XPNPEP3: variants seen among roughly 807,000 people sequenced by gnomAD.
The protein encoded by XPNPEP3 is xaa-Pro aminopeptidase 3.
Under a neutral mutation model 60.0 loss-of-function variants are expected in XPNPEP3, and 41 were observed. The ratio of observed to expected loss-of-function variants is 0.68; its 90% CI spans 0.53 to 0.89. The LOEUF is 0.89. Among genes scored for constraint, XPNPEP3 ranks in the 40% least tolerant of loss-of-function variants. The pLI, the probability that XPNPEP3 is intolerant of heterozygous loss-of-function variation, is 0.00. For missense variants in XPNPEP3, 598 were observed against 638.9 expected (o/e 0.94, Z 0.69); for synonymous variants, 212 against 223.2 (o/e 0.95, Z 0.45).
chr22:40,858,730 C>T (rs1325275032), intron 1 of XPNPEP3, among the ~76,000 whole-genome samples: 1 of 151,926 alleles, frequency 6.6e-6, no homozygotes, highest in African/African-American at 2.4e-5. Flanking sequence ...TGGGGTTTCA[C>T]CATCTTGGCC....
At chr22:40,893,648 C>T (rs1031601056) in intron 4 of XPNPEP3, among the ~76,000 whole-genome samples, 1 of 151,500 alleles carries the variant, frequency 6.6e-6, no homozygotes, top group East Asian at 2.0e-4. Context: ...TGGAGTTTCA[C>T]TCTTGTTGCC....
chr22:40,890,254 A>G (rs2058083691), intron 4 of XPNPEP3, among the ~76,000 whole-genome samples: 1 of 152,150 alleles, frequency 6.6e-6, no homozygotes, highest in Non-Finnish European at 1.5e-5. Context: ...CTTACATTAA[A>G]ATAAAAATTA....
At chr22:40,919,527 G>A (rs2058208683) in intron 7 of XPNPEP3, among the ~76,000 whole-genome samples, 1 of 152,170 alleles carries the variant, frequency 6.6e-6, no homozygotes, top group Non-Finnish European at 1.5e-5. Flanking sequence ...ACCATGCCTG[G>A]CTAATATTTT....
At chr22:40,909,301 C>A in intron 6 of XPNPEP3, 66 bp downstream of exon 6, 1 of 1,159,174 alleles carries the variant, frequency 8.6e-7, no homozygotes, top group Non-Finnish European at 1.3e-6. Flanking sequence ...ACCTGCTAAC[C>A]TCATGTCCTC....
Position 40,924,420 on chromosome 22 carries a change from A to G in XPNPEP3, c.1295A>G (p.Asp432Gly), listed in dbSNP as rs1409294754. The change falls in exon 9 of 10, where the codon GAC becomes GGC. Residue 432 changes from aspartate to glycine, a missense_variant. Asp to Gly is a moderately conservative substitution (Grantham distance 94). Transcript: ENST00000357137. ...CACTACCTCGGGATGGATGTCCATG[A>G]CACTCCAGACATGCCCCGTTCCCTC... ...VGHYLGMDVH[D>G]TPDMPRSLPL... 3.1e-6 allele frequency: 5 copies of G among 1,614,042 alleles called. No individual in the cohort carries two copies. Among genetic ancestry groups the G allele is most frequent in the Non-Finnish European group, 8.5e-7 (1 of 1,180,032 alleles).
intron 2 of XPNPEP3, among the ~76,000 whole-genome samples, chr22:40,876,404 A>T (rs985246373): frequency 3.3e-5 from 5 of 152,236 alleles, no homozygotes; most frequent in African/African-American, 1.2e-4. Flanking sequence ...TGTAGTGCTA[A>T]GTGTTACGTT....
chr22:40,871,388 G>T (rs1054546577), intron 2 of XPNPEP3, among the ~76,000 whole-genome samples: 7 of 152,126 alleles, frequency 4.6e-5, no homozygotes, highest in Non-Finnish European at 8.8e-5. Flanking sequence ...CAGTTGGCTT[G>T]TTAGTTTAGG....
chr22:40,869,893 G>T (rs749388458), intron 2 of XPNPEP3, among the ~76,000 whole-genome samples: 1 of 152,166 alleles, frequency 6.6e-6, no homozygotes, highest in Non-Finnish European at 1.5e-5. Flanking sequence ...TGTTCTTTCT[G>T]CCATAAGAAA....
chr22:40,877,926 T>G (rs192672657), intron 2 of XPNPEP3, among the ~76,000 whole-genome samples: 2 of 152,146 alleles, frequency 1.3e-5, no homozygotes, highest in East Asian at 3.8e-4. Flanking sequence ...ATTTTTTGTT[T>G]CTGGGTACAG....
At chr22:40,900,472 G>C (rs2058127534) in intron 4 of XPNPEP3, among the ~76,000 whole-genome samples, 1 of 152,086 alleles carries the variant, frequency 6.6e-6, no homozygotes, top group Admixed American at 6.6e-5. Flanking sequence ...CAGGCATGGT[G>C]GCGGGTGCCT....
Position 40,869,096 on chromosome 22 carries a change from C to A in XPNPEP3, c.162C>A (p.His54Gln), listed in dbSNP as rs571022603. ...TAGGCCAGCCCAGCCCCTTTACACA[C>A]CCACACCTCCTCAGACCAGGTAAGG... is the stretch of plus-strand genomic sequence containing the variant. ...RYLGQPSPFTHPHLLRPGEVT... is the reference protein window; with the variant it reads ...RYLGQPSPFTQPHLLRPGEVT... The change falls in exon 2 of 10, where the codon CAC (histidine) becomes CAA (glutamine). Residue 54 changes from histidine (H) to glutamine (Q), a missense_variant. His to Gln is a conservative substitution (Grantham distance 24). Transcript: ENST00000357137. 6.2e-7 allele frequency: 1 copy of A among 1,613,966 alleles called. No homozygotes were observed. The highest frequency in any genetic ancestry group is 8.5e-7 in the Non-Finnish European group (1 of 1,179,892).
intron 6 of XPNPEP3, among the ~76,000 whole-genome samples, chr22:40,913,406 C>G (rs918639418): frequency 6.7e-6 from 1 of 149,812 alleles, no homozygotes; most frequent in Non-Finnish European, 1.5e-5. Context: ...CCACTGCACT[C>G]CAGCCTGGGC....
intron 2 of XPNPEP3, among the ~76,000 whole-genome samples, chr22:40,873,123 T>TTTTTC (rs2058013830): frequency 7.4e-6 from 1 of 135,890 alleles, no homozygotes; most frequent in African/African-American, 3.0e-5. Context: ...TTTTTTTTTT[T>TTTTTC]GAGACAGAGT....
At chr22:40,908,577 A>G (rs894015154) in intron 5 of XPNPEP3, among the ~76,000 whole-genome samples, 1 of 152,138 alleles carries the variant, frequency 6.6e-6, no homozygotes, top group Admixed American at 6.5e-5. Flanking sequence ...CTCCAGCTCC[A>G]TCCTGTATCC....
In XPNPEP3 at chr22:40,868,970, T is replaced by C. The variant is rs769332367; in HGVS notation, c.65-29T>C. ...ATGAAGACTTTCTAGATCTATTGTT[T>C]CATTTCATTCTCTTTATTCTTCATT... On this transcript the variant is annotated intron_variant, in intron 1 of 9. Coordinates refer to ENST00000357137, the MANE Select transcript of XPNPEP3 (RefSeq NM_022098.4). 2.6e-5 allele frequency: 41 copies of C among 1,561,576 alleles called. No homozygotes were observed. The Admixed American group carries it at 6.5e-4, about 25-fold the overall frequency.
rs532083734 is a variant in XPNPEP3, at chr22:40,907,322, G to A, written c.793-265G>A. ...TGTAGTCCCAGCTACTCGAGAGGCT[G>A]AGGCAGGAGAATGGCGTGAACCCAG... On this transcript the variant is annotated intron_variant, in intron 4 of 9. Coordinates refer to ENST00000357137, the MANE Select transcript of XPNPEP3 (RefSeq NM_022098.4). The A allele has an allele frequency of 7.4e-4, 316 of 425,338 alleles. No individual in the cohort carries two copies. The Middle Eastern group carries it at 0.012, about 16-fold the overall frequency. 26.3% of individuals were successfully genotyped at this position (425,338 alleles called of 1,614,324 possible). A position where few individuals can be genotyped will look rare whatever the true frequency, so the allele number is the denominator to read the frequency against.
chr22:40,885,616 T>C (rs1483526655), intron 3 of XPNPEP3, among the ~76,000 whole-genome samples: 1 of 152,224 alleles, frequency 6.6e-6, no homozygotes, highest in African/African-American at 2.4e-5. Context: ...TATGTTTTTC[T>C]GTCCTTCTGT....
intron 4 of XPNPEP3, chr22:40,888,382 C>T (rs1000586403): frequency 1.2e-5 from 5 of 428,620 alleles, no homozygotes; most frequent in African/African-American, 1.0e-4. Flanking sequence ...TAGCTGGGAC[C>T]ATTGGTGCAT....
Position 40,909,088 on chromosome 22 carries a change from A to G in XPNPEP3, c.856-34A>G, listed in dbSNP as rs768545186. 6 of 1,599,232 alleles carry G rather than the reference A, an allele frequency of 3.8e-6. No individual in the cohort carries two copies. In the Admixed American group the frequency reaches 1.0e-4, roughly 27 times the overall value. On this transcript the variant is annotated intron_variant, in intron 5 of 9. Coordinates refer to ENST00000357137, the MANE Select transcript of XPNPEP3 (RefSeq NM_022098.4). ...CTTGGGCTGGGGCAGCCCTACAGAAACCCTTTGTCATACCTTGCTGTTGTT... is the reference window on the plus strand; with the variant it reads ...CTTGGGCTGGGGCAGCCCTACAGAAGCCCTTTGTCATACCTTGCTGTTGTT...
Sources: gnomAD v4.1 joint callset for allele counts (sites outside exome capture counted in the v4.1 genomes callset) on GRCh38, gnomAD v4.1.1 for gene constraint, MANE v1.5 for transcripts, NCBI Gene and HGNC (gene_info 2026-07-23, HGNC 2026-07-21) for gene names.